CACNA1E: variants seen among roughly 807,000 people sequenced by gnomAD.
CACNA1E encodes the protein voltage-dependent R-type calcium channel subunit alpha-1E.
CACNA1E carries 40 observed loss-of-function variants against 259.2 expected under a neutral mutation model. The ratio of observed to expected loss-of-function variants is 0.15; its 90% CI spans 0.12 to 0.20. CACNA1E has a LOEUF of 0.20. Among genes scored for constraint, CACNA1E ranks in the 10% least tolerant of loss-of-function variants. The pLI, the probability that CACNA1E is intolerant of heterozygous loss-of-function variation, is 1.00. For synonymous variants in CACNA1E, 1,104 were observed against 1,138.5 expected (o/e 0.97, Z 0.61); for missense variants, 1,874 against 3,040.1 (o/e 0.62, Z 9.02).
chr1:181,462,147 T>G (rs1340665892), intron 2 of CACNA1E, among the ~76,000 whole-genome samples: 1 of 152,252 alleles, frequency 6.6e-6, no homozygotes, highest in East Asian at 1.9e-4. Context: ...AACAAGTTCC[T>G]TATTGTTTTT....
intron 7 of CACNA1E, among the ~76,000 whole-genome samples, chr1:181,695,061 G>A (rs1651559816): frequency 1.3e-5 from 2 of 151,686 alleles, no homozygotes; most frequent in African/African-American, 4.8e-5. Context: ...AAATTAATTG[G>A]GTTATATATG....
intron 1 of CACNA1E, among the ~76,000 whole-genome samples, chr1:181,350,120 C>A (rs141303135): frequency 2.0e-5 from 3 of 152,288 alleles, no homozygotes; most frequent in Non-Finnish European, 4.4e-5. Context: ...CTCTTAGGAG[C>A]CTGATGCTCT....
At position 181,561,717 on chromosome 1, in the gene CACNA1E, G is replaced by A. The variant is rs556976443; in HGVS notation, c.513-16049G>A. ...ACATTTCAGTTGTTTTCAGTTTGGGGCAATTATGAATGTAGCTGTGATAAA... is the reference window on the plus strand; with the variant it reads ...ACATTTCAGTTGTTTTCAGTTTGGGACAATTATGAATGTAGCTGTGATAAA... On this transcript the variant is annotated intron_variant, in intron 3 of 47. Transcript: ENST00000367573. Among the ~76,000 whole-genome samples the A allele has an allele frequency of 5.9e-5, 9 of 152,268 alleles. No individual in the cohort carries two copies. The East Asian group carries it at 1.5e-3, about 26-fold the overall frequency.
chr1:181,780,549 G>A (rs145078092), intron 38 of CACNA1E, among the ~76,000 whole-genome samples: 198 of 152,288 alleles, frequency 1.3e-3, no homozygotes, highest in Admixed American at 3.1e-3. Flanking sequence ...GGATAGAGCT[G>A]GCCTGGGATG....
intron 7 of CACNA1E, among the ~76,000 whole-genome samples, chr1:181,653,135 G>C (rs1007399037): frequency 6.6e-6 from 1 of 151,982 alleles, no homozygotes; most frequent in South Asian, 2.1e-4. Context: ...ATAGCTCCGC[G>C]GCTTAAAACT....
At chr1:181,324,162 A>G (rs1249037295) in intron 1 of CACNA1E, among the ~76,000 whole-genome samples, 1 of 152,252 alleles carries the variant, frequency 6.6e-6, no homozygotes, top group Non-Finnish European at 1.5e-5. Flanking sequence ...TACTGGGAAT[A>G]GAGCAATGAA....
chr1:181,574,160 CAGGAGAAA>C (rs1179786152), intron 3 of CACNA1E, among the ~76,000 whole-genome samples: 1 of 152,118 alleles, frequency 6.6e-6, no homozygotes. Context: ...GGGAGAGCAT[CAGGAGAAA>C]TAACTAATAC....
intron 1 of CACNA1E, among the ~76,000 whole-genome samples, chr1:181,347,192 A>T (rs544017690): frequency 3.9e-5 from 6 of 152,296 alleles, no homozygotes; most frequent in Admixed American, 3.9e-4. Flanking sequence ...GATCACAGAA[A>T]TGCAGCCTCC....
intron 6 of CACNA1E, among the ~76,000 whole-genome samples, chr1:181,587,024 C>T (rs1035928183): frequency 6.6e-6 from 1 of 151,988 alleles, no homozygotes; most frequent in Non-Finnish European, 1.5e-5. Flanking sequence ...GAGGTCTAGA[C>T]CACAGATGTA....
chr1:181,325,692 T>C (rs1354497767), intron 1 of CACNA1E, among the ~76,000 whole-genome samples: 3 of 152,114 alleles, frequency 2.0e-5, no homozygotes, highest in African/African-American at 7.2e-5. Flanking sequence ...TTTTATTGAA[T>C]TATTTTTGGT....
rs542016168 is a variant in CACNA1E at position 181,726,079 on chromosome 1, A to G, written c.2157A>G (p.Glu719=). 2.5e-6 allele frequency: 4 copies of G among 1,611,806 alleles called. No individual in the cohort carries two copies. The African/African-American group carries it at 5.3e-5, about 21-fold the overall frequency. ...TTTGTGTCTAGGATGAACAGGAGGA[A>G]GAAGAGGCCTTCAACCAGAAACATG... ...AQELTKDEQE[E]EEAFNQKHAL... Residue 719 remains glutamate, a synonymous_variant, in exon 18 of 48, where the codon GAA becomes GAG. Transcript: ENST00000367573.
chr1:181,508,240 C>T (rs1665884031), intron 1 of CACNA1E, among the ~76,000 whole-genome samples: 1 of 151,792 alleles, frequency 6.6e-6, no homozygotes, highest in Non-Finnish European at 1.5e-5. Context: ...TGGGGAGAAA[C>T]CTGCTTAACT....
rs141406723 is a variant in CACNA1E at position 181,451,591 on chromosome 1, G to T, written c.435-32153G>T. Among the ~76,000 whole-genome samples, 182 of 152,286 alleles carry T rather than the reference G, an allele frequency of 1.2e-3. 1 individual carries two copies. The highest frequency in any genetic ancestry group is 3.6e-3 in the African/African-American group (151 of 41,548). On this transcript the variant is annotated intron_variant, in intron 2 of 11. Transcript: ENST00000524607. ...TCCCAGCTACTTGGCTGAGGCAGGA[G>T]AATTCACTTGAATCTGGGAGGCAGA...
intron 6 of CACNA1E, among the ~76,000 whole-genome samples, chr1:181,594,737 T>C (rs1173278507): frequency 6.6e-6 from 1 of 152,192 alleles, no homozygotes; most frequent in Non-Finnish European, 1.5e-5. Flanking sequence ...GACTCTGCCA[T>C]GGTATTAGGC....
At chr1:181,742,618 C>T (rs1200830950) in intron 25 of CACNA1E, among the ~76,000 whole-genome samples, 1 of 152,182 alleles carries the variant, frequency 6.6e-6, no homozygotes, top group African/African-American at 2.4e-5. Context: ...ATTCCTTCCA[C>T]CACCCAGCCA....
intron 6 of CACNA1E, 114 bp from the exon 7 acceptor site, chr1:181,651,224 T>C: frequency 1.5e-6 from 1 of 675,866 alleles, no homozygotes; most frequent in Non-Finnish European, 2.6e-6. Flanking sequence ...TAAGGCAATA[T>C]TTAACTGTAT....
At chr1:181,422,110 T>C (rs994614377) in intron 2 of CACNA1E, among the ~76,000 whole-genome samples, 6 of 152,208 alleles carry the variant, frequency 3.9e-5, no homozygotes, top group Admixed American at 2.0e-4. Flanking sequence ...ATTCTTGCCA[T>C]TTGGACCTTA....
chr1:181,797,143 G>C (rs1661880596), intron 47 of CACNA1E, among the ~76,000 whole-genome samples: 1 of 152,188 alleles, frequency 6.6e-6, no homozygotes, highest in Admixed American at 6.5e-5. Flanking sequence ...TTGACAGCCA[G>C]ATTTTGGAGG....
chr1:181,483,501 CTTTTT>C, upstream of CACNA1E: 1 of 210,510 alleles, frequency 4.8e-6, no homozygotes. Context: ...TTTCTTTTTT[CTTTTT>C]TTTTTTTTTC....
Sources: allele counts gnomAD v4.1 joint callset (sites outside exome capture counted in the v4.1 genomes callset), GRCh38; gene constraint gnomAD v4.1.1; transcripts MANE v1.5; gene names NCBI Gene and HGNC (gene_info 2026-07-23, HGNC 2026-07-21).